The following ST8SIA6 variants were observed in gnomAD, a reference collection of about 807,000 sequenced individuals.
The protein encoded by ST8SIA6 is alpha-2,8-sialyltransferase 8F.
In ST8SIA6, 39 loss-of-function variants were observed where a neutral mutation model predicts 33.6. The ratio of observed to expected loss-of-function variants is 1.16; its 90% CI spans 0.90 to 1.52. The LOEUF is 1.52. Among genes scored for constraint, ST8SIA6 ranks in the 40% most tolerant of loss-of-function variants. The pLI is 0.00. For missense variants in ST8SIA6, 441 were observed against 443.8 expected (o/e 0.99, Z 0.06); for synonymous variants, 172 against 167.2 (o/e 1.03, Z -0.22).
chr10:17,401,372 T>A (rs967028023), intron 2 of ST8SIA6, among the ~76,000 whole-genome samples: 17 of 152,136 alleles, frequency 1.1e-4, no homozygotes, highest in Admixed American at 4.6e-4. Context: ...AATTTATAGA[T>A]ACAGTGTCAT....
chr10:17,358,725 AAG>A (rs1317690705), intron 4 of ST8SIA6, among the ~76,000 whole-genome samples: 2 of 136,198 alleles, frequency 1.5e-5, no homozygotes, highest in Non-Finnish European at 3.2e-5. Flanking sequence ...AAGAAAGAAG[AAG>A]AGGAAGAGGA....
chr10:17,375,262 C>G (rs45542537), intron 3 of ST8SIA6, among the ~76,000 whole-genome samples: 2 of 152,180 alleles, frequency 1.3e-5, no homozygotes, highest in South Asian at 4.2e-4. Context: ...AAAATCTTGT[C>G]TATGACCAAA....
chr10:17,433,949 C>G (rs925579331), intron 2 of ST8SIA6, among the ~76,000 whole-genome samples: 6 of 152,146 alleles, frequency 3.9e-5, no homozygotes, highest in Non-Finnish European at 8.8e-5. Flanking sequence ...TTCTTATATC[C>G]TTAAGCCTTT....
At position 17,317,797 on chromosome 10, in the gene ST8SIA6, CT is replaced by C. The variant is rs1418839294; in HGVS notation, c.*3080del. On this transcript the variant is annotated 3_prime_UTR_variant, in exon 8 of 8. Transcript: ENST00000377602. Reference sequence around the variant, plus strand: ...TCTACAGAGAGTCCTCAAAAAAAGACTTTTTGACTGATTACCTGGCTGAGAG... The same window carrying C: ...TCTACAGAGAGTCCTCAAAAAAAGACTTTTGACTGATTACCTGGCTGAGAG... Among the ~76,000 whole-genome samples, 2 of 152,120 alleles carry C rather than the reference CT, an allele frequency of 1.3e-5. No homozygotes were observed. Among genetic ancestry groups the C allele is most frequent in the African/African-American group, 4.8e-5 (2 of 41,416 alleles).
chr10:17,373,536 G>A (rs11593166), intron 3 of ST8SIA6, among the ~76,000 whole-genome samples: 56,833 of 151,924 alleles, frequency 0.37, 10,833 homozygotes, highest in East Asian at 0.59. Context: ...CCAGTTTGCA[G>A]ACTGATACTG....
At chr10:17,432,661 A>C (rs1852137325) in intron 2 of ST8SIA6, among the ~76,000 whole-genome samples, 1 of 152,178 alleles carries the variant, frequency 6.6e-6, no homozygotes, top group East Asian at 1.9e-4. Context: ...GGCTCAAGGA[A>C]ACAGATGAGT....
chr10:17,345,134 A>G (rs540030500), intron 4 of ST8SIA6, among the ~76,000 whole-genome samples: 33 of 152,232 alleles, frequency 2.2e-4, no homozygotes, highest in African/African-American at 7.2e-4. Context: ...GGCCAGGCCT[A>G]CTATATACCT....
intron 2 of ST8SIA6, among the ~76,000 whole-genome samples, chr10:17,411,959 C>T (rs1026201363): frequency 6.6e-6 from 1 of 151,726 alleles, no homozygotes; most frequent in Non-Finnish European, 1.5e-5. Context: ...ACTCAGTTGC[C>T]TTTAAGCAAA....
At chr10:17,346,062 G>T (rs1204089359) in intron 4 of ST8SIA6, among the ~76,000 whole-genome samples, 1 of 152,198 alleles carries the variant, frequency 6.6e-6, no homozygotes, top group Admixed American at 6.5e-5. Context: ...CTCTTGGAAC[G>T]TTCATTCTCT....
At chr10:17,374,743 T>TAAAAAAAAAAA (rs1407078648) in intron 3 of ST8SIA6, among the ~76,000 whole-genome samples, 1 of 69,848 alleles carries the variant, frequency 1.4e-5, no homozygotes, top group African/African-American at 5.0e-5. Context: ...AATAAATAAA[T>TAAAAAAAAAAA]AAATAATAAA....
chr10:17,450,440 C>CT (rs772654549), intron 2 of ST8SIA6, among the ~76,000 whole-genome samples: 6 of 152,062 alleles, frequency 3.9e-5, no homozygotes, highest in Non-Finnish European at 8.8e-5. Flanking sequence ...TGAATGTCAT[C>CT]TTTTTCTTTT....
chr10:17,364,574 A>T (rs7098901), intron 3 of ST8SIA6, among the ~76,000 whole-genome samples: 31,089 of 152,116 alleles, frequency 0.2, 3,517 homozygotes, highest in East Asian at 0.51. Context: ...ATAAAAGGGA[A>T]TTTTTTTCTA....
chr10:17,382,468 G>T (rs1850186283), intron 3 of ST8SIA6, among the ~76,000 whole-genome samples: 1 of 152,136 alleles, frequency 6.6e-6, no homozygotes, highest in Non-Finnish European at 1.5e-5. Flanking sequence ...GTTTCACCAT[G>T]TTGGCCAGGC....
At position 17,453,539 on chromosome 10, in the gene ST8SIA6, C is replaced by G; in HGVS notation, c.200+20G>C. On this transcript the variant is annotated intron_variant, in intron 2 of 7. Coordinates refer to ENST00000377602, the MANE Select transcript of ST8SIA6 (RefSeq NM_001004470.3). ...CGCAGCTCCCGAGCCCCAGTCCGCCCGCGCTGGGCGCCGCTGTACCTGTTA... is the reference window on the plus strand; with the variant it reads ...CGCAGCTCCCGAGCCCCAGTCCGCCGGCGCTGGGCGCCGCTGTACCTGTTA... 2.3e-6 allele frequency: 3 copies of G among 1,285,462 alleles called. No homozygotes were observed. The South Asian group carries it at 8.4e-5, about 36-fold the overall frequency. The allele number at this position is 1,285,462 out of a possible 1,614,324, so 79.6% of individuals were successfully genotyped here. A position where few individuals can be genotyped will look rare whatever the true frequency, so the allele number is the denominator to read the frequency against.
chr10:17,333,708 T>C (rs1305062503), intron 4 of ST8SIA6, among the ~76,000 whole-genome samples: 1 of 33,870 alleles, frequency 3.0e-5, no homozygotes. Context: ...TATATATATA[T>C]ATATATATAT....
chr10:17,322,094 CAGAGAGAG>C (rs10544183), intron 7 of ST8SIA6, among the ~76,000 whole-genome samples: 4,061 of 134,434 alleles, frequency 0.03, 153 homozygotes, highest in African/African-American at 0.092. Flanking sequence ...CAAAGAGAGA[CAGAGAGAG>C]AGAGAGAGAG....
intron 3 of ST8SIA6, among the ~76,000 whole-genome samples, chr10:17,375,834 C>T (rs1326106644): frequency 1.3e-5 from 2 of 152,146 alleles, no homozygotes; most frequent in African/African-American, 4.8e-5. Flanking sequence ...CTCCGGTGCT[C>T]AGAAGATGTA....
intron 4 of ST8SIA6, among the ~76,000 whole-genome samples, chr10:17,357,777 A>G (rs553574717): frequency 6.6e-6 from 1 of 151,984 alleles, no homozygotes; most frequent in South Asian, 2.1e-4. Context: ...AAGCTCCTAT[A>G]CTCCCTACTT....
At chr10:17,443,716 G>A (rs1852588420) in intron 2 of ST8SIA6, among the ~76,000 whole-genome samples, 1 of 152,142 alleles carries the variant, frequency 6.6e-6, no homozygotes, top group Non-Finnish European at 1.5e-5. Flanking sequence ...TTGCTGCCCT[G>A]GACAAGCTAA....
Sources: gnomAD v4.1 joint callset for allele counts (sites outside exome capture counted in the v4.1 genomes callset) on GRCh38, gnomAD v4.1.1 for gene constraint, MANE v1.5 for transcripts, NCBI Gene and HGNC (gene_info 2026-07-23, HGNC 2026-07-21) for gene names.